ADGRG3: variants seen among roughly 807,000 people sequenced by gnomAD.
ADGRG3 encodes the protein G protein-coupled receptor 97.
A neutral mutation model predicts 54.3 loss-of-function variants in ADGRG3; 39 were observed. The observed-to-expected ratio is 0.72, with a 90% confidence interval of 0.56 to 0.94. The LOEUF (loss-of-function observed/expected upper bound fraction) is 0.94, where lower values mean the gene tolerates loss of function less well. ADGRG3 is among the 40% of genes least tolerant of loss of function. The probability of loss-of-function intolerance (pLI) is 0.00; values close to 1 mark genes in which losing one functional copy is unlikely to be tolerated. For missense variants in ADGRG3, 654 were observed against 694.6 expected (o/e 0.94, Z 0.66); for synonymous variants, 312 against 290.0 (o/e 1.08, Z -0.77).
In ADGRG3 at chr16:57,685,674, G is replaced by A. The variant is rs2290178; in HGVS notation, c.1288G>A (p.Ala430Thr). 2.5e-4 allele frequency: 401 copies of A among 1,614,156 alleles called. 1 individual carries two copies. The East Asian group carries it at 6.9e-3, about 28-fold the overall frequency. Reference protein sequence around the residue: ...CWFREGTTMYALYITVHGYFL... With the variant: ...CWFREGTTMYTLYITVHGYFL... ...GTTCCGTGAAGGGACAACCATGTACGCCCTCTATATCACCGTCCACGGCTA... is the reference window on the plus strand; with the variant it reads ...GTTCCGTGAAGGGACAACCATGTACACCCTCTATATCACCGTCCACGGCTA... Residue 430 changes from alanine to threonine, a missense_variant, in exon 11 of 12, where the codon GCC (alanine) becomes ACC (threonine). By Grantham distance (58) the Ala-to-Thr change is moderately conservative. Transcript: ENST00000333493.
At chr16:57,666,257 C>T (rs2048055861), upstream of ADGRG3, among the ~76,000 whole-genome samples, 1 of 152,212 alleles carries the variant, frequency 6.6e-6, no homozygotes, top group Admixed American at 6.5e-5. Context: ...CGTTCCTCCG[C>T]AATTCTCCTG....
rs541362748 is a variant in ADGRG3, at chr16:57,676,452, C to T, written c.345+114C>T. 9.1e-6 allele frequency: 9 copies of T among 986,026 alleles called. No individual in the cohort carries two copies. The South Asian group carries it at 1.6e-4, about 17-fold the overall frequency. The allele number at this position is 986,026 out of a possible 1,614,324, so 61.1% of individuals were successfully genotyped here. On this transcript the variant is annotated intron_variant, in intron 3 of 11. Coordinates refer to ENST00000333493, the MANE Select transcript of ADGRG3 (RefSeq NM_170776.5). ...ATATAACTAGGGCTTGTCCCTCCCC[C>T]ACGTCCCAATTGGCAGAGCTGCGTC... is the stretch of plus-strand genomic sequence containing the variant.
rs2048427372 is a variant in ADGRG3 at position 57,684,125 on chromosome 16, G to A, written c.1075G>A (p.Glu359Lys). The change falls in exon 9 of 12, where the codon GAA becomes AAA. Residue 359 changes from glutamate (E) to lysine (K), a missense_variant. Coordinates refer to ENST00000333493, the MANE Select transcript of ADGRG3 (RefSeq NM_170776.5). ...LLCAFTWMGLEAFHLYLLAVR... is the reference protein window; with the variant it reads ...LLCAFTWMGLKAFHLYLLAVR... Reference sequence around the variant, plus strand: ...CTGTGCCTTCACCTGGATGGGCCTTGAAGCCTTCCACCTCTACCTGCTCGC... The same window carrying A: ...CTGTGCCTTCACCTGGATGGGCCTTAAAGCCTTCCACCTCTACCTGCTCGC... 2 of 1,613,952 alleles carry A rather than the reference G, an allele frequency of 1.2e-6. No homozygotes were observed. Among genetic ancestry groups the A allele is most frequent in the African/African-American group, 1.3e-5 (1 of 74,898 alleles).
Position 57,679,848 on chromosome 16 carries a change from G to T in ADGRG3, c.660G>T (p.Val220=). 6.2e-7 allele frequency: 1 copy of T among 1,612,268 alleles called. No homozygotes were observed. The highest frequency in any genetic ancestry group is 8.5e-7 in the Non-Finnish European group (1 of 1,178,516). The change falls in exon 6 of 12, where the codon GTG becomes GTT. Residue 220 remains valine (V), a synonymous_variant. Transcript: ENST00000333493. ...CCCTCACCTGTGTATTCTGGGATGT[G>T]ACTAAAGGTAGGGCCCGGAGGACCT... is the stretch of plus-strand genomic sequence containing the variant. ...NMTLTCVFWD[V]TKGTTGDWSS...
intron 1 of ADGRG3, among the ~76,000 whole-genome samples, chr16:57,669,694 G>T (rs531635657): frequency 1.3e-5 from 2 of 152,026 alleles, no homozygotes; most frequent in African/African-American, 2.4e-5. Context: ...CTCCATTTGC[G>T]CATTCATTCA....
rs145543858 is a variant in ADGRG3 at position 57,685,803 on chromosome 16, C to A, written c.1417C>A (p.Arg473=). 1.9e-6 allele frequency: 3 copies of A among 1,614,156 alleles called. No individual in the cohort carries two copies. Among genetic ancestry groups the A allele is most frequent in the Non-Finnish European group, 2.5e-6 (3 of 1,180,034 alleles). ...AGCGGTCAAGGAGCGGGGGAAGAACCGGAAGAAGGTGCTCACCCTGCTGGG... is the reference window on the plus strand; with the variant it reads ...AGCGGTCAAGGAGCGGGGGAAGAACAGGAAGAAGGTGCTCACCCTGCTGGG... The part of the protein sequence containing the change: ...ATAVKERGKN[R]KKVLTLLGLS... The change falls in exon 11 of 12, where the codon CGG becomes AGG. Residue 473 remains arginine, a synonymous_variant. Coordinates refer to ENST00000333493, the MANE Select transcript of ADGRG3 (RefSeq NM_170776.5).
chr16:57,685,499 C>T (rs985499576), intron 10 of ADGRG3, 144 bp from the exon 11 acceptor site: 34 of 745,416 alleles, frequency 4.6e-5, no homozygotes, highest in African/African-American at 7.0e-5. Flanking sequence ...GGTGACGGCC[C>T]CTCCCACAGC....
chr16:57,674,829 C>CAAAA (rs56719808), intron 2 of ADGRG3, among the ~76,000 whole-genome samples: 17 of 82,160 alleles, frequency 2.1e-4, no homozygotes, highest in African/African-American at 6.7e-4. Context: ...ACTGAAAATA[C>CAAAA]AAAAAAAAAA....
At position 57,684,049 on chromosome 16, in the gene ADGRG3, G is replaced by C; in HGVS notation, c.999G>C (p.Gly333=). The change falls in exon 9 of 12, where the codon GGG becomes GGC. Residue 333 remains glycine, a synonymous_variant. Coordinates refer to ENST00000333493, the MANE Select transcript of ADGRG3 (RefSeq NM_170776.5). The stretch of plus-strand genomic sequence containing the variant: ...TCAATGTGGGGAGTGGCTCAAAGGG[G>C]TCTGATGCTGCCTGCTGGGCCCGGG... The part of the protein sequence containing the change: ...FLVNVGSGSK[G]SDAACWARGA... 6.2e-7 allele frequency: 1 copy of C among 1,614,048 alleles called. No homozygotes were observed. Among genetic ancestry groups the C allele is most frequent in the South Asian group, 1.1e-5 (1 of 91,086 alleles).
chr16:57,675,992 G>C (rs2048255716), intron 2 of ADGRG3, among the ~76,000 whole-genome samples: 1 of 152,192 alleles, frequency 6.6e-6, no homozygotes, highest in South Asian at 2.1e-4. Flanking sequence ...CACAAAAAAA[G>C]ACAAACACAT....
intron 1 of ADGRG3, 94 bp downstream of exon 1, chr16:57,668,499 G>A: frequency 8.2e-7 from 1 of 1,218,330 alleles, no homozygotes; most frequent in South Asian, 1.3e-5. Context: ...GACTGGAGAA[G>A]GTGAGGAGTT....
chr16:57,686,973 C>T (rs2048484692), intron 11 of ADGRG3, among the ~76,000 whole-genome samples: 1 of 152,210 alleles, frequency 6.6e-6, no homozygotes, highest in Admixed American at 6.5e-5. Context: ...AGAGAGGCAT[C>T]ACAGTCTGAC....
rs548387435 is a variant in ADGRG3 at position 57,680,353 on chromosome 16, C to T, written c.756C>T (p.Phe252=). ...GCTGCTGTGACCACCTGACCTTTTTCGCCCTGCTCCTGGTAACAGCCCCCT... is the reference window on the plus strand; with the variant it reads ...GCTGCTGTGACCACCTGACCTTTTTTGCCCTGCTCCTGGTAACAGCCCCCT... The part of the protein sequence containing the change: ...TVCCCDHLTF[F]ALLLRPTLDQ... The change falls in exon 7 of 12, where the codon TTC becomes TTT. Residue 252 remains phenylalanine (F), a synonymous_variant. Transcript: ENST00000333493. The T allele has an allele frequency of 4.2e-5, 68 of 1,612,672 alleles. No individual in the cohort carries two copies. Among genetic ancestry groups the T allele is most frequent in the Admixed American group, 1.3e-4 (8 of 59,930 alleles).
intron 1 of ADGRG3, among the ~76,000 whole-genome samples, chr16:57,670,010 C>G (rs2048125717): frequency 6.6e-6 from 1 of 152,178 alleles, no homozygotes; most frequent in African/African-American, 2.4e-5. Flanking sequence ...GCCCCCTGGG[C>G]TTCTACAGCC....
chr16:57,687,456 T>G (rs142612128), intron 11 of ADGRG3, among the ~76,000 whole-genome samples: 10 of 152,324 alleles, frequency 6.6e-5, no homozygotes, highest in African/African-American at 2.4e-4. Flanking sequence ...TTCACCATAC[T>G]GGTCAGGCTG....
chr16:57,680,161 C>T (rs2048341281), intron 6 of ADGRG3, 104 bp from the exon 7 acceptor site: 1 of 542,754 alleles, frequency 1.8e-6, no homozygotes, highest in Non-Finnish European at 3.4e-6. Context: ...CTCCCTTACC[C>T]TCCCCTCCCT....
intron 3 of ADGRG3, among the ~76,000 whole-genome samples, chr16:57,676,562 G>T (rs1358350497): frequency 2.0e-5 from 3 of 152,180 alleles, no homozygotes; most frequent in African/African-American, 4.8e-5. Context: ...TGAGGTAAAG[G>T]GTTCGATGGA....
chr16:57,668,451 C>T, intron 1 of ADGRG3, 46 bp downstream of exon 1: 1 of 1,503,034 alleles, frequency 6.7e-7, no homozygotes, highest in Non-Finnish European at 9.0e-7. Flanking sequence ...TGGGCCGACC[C>T]TGCCCTGCCG....
chr16:57,676,098 T>G, intron 2 of ADGRG3, 102 bp from the exon 3 acceptor site: 1 of 1,096,412 alleles, frequency 9.1e-7, no homozygotes, highest in Non-Finnish European at 1.3e-6. Flanking sequence ...CCCAGGGTCT[T>G]TACTTTGATA....
Sources: gnomAD v4.1 joint callset for allele counts (sites outside exome capture counted in the v4.1 genomes callset) on GRCh38, gnomAD v4.1.1 for gene constraint, MANE v1.5 for transcripts, NCBI Gene and HGNC (gene_info 2026-07-23, HGNC 2026-07-21) for gene names.